The following SAMD8 variants were observed in gnomAD, a reference collection of about 807,000 sequenced individuals.
SAMD8 encodes the protein sphingomyelin synthase-related protein 1.
Under a neutral mutation model 42.0 loss-of-function variants are expected in SAMD8, and 20 were observed. That is an observed-to-expected ratio of 0.48 (90% CI 0.34 to 0.69). SAMD8 has a LOEUF of 0.69. Ranked by LOEUF, SAMD8 falls within the 30% of genes least tolerant of loss-of-function variation. The pLI is 0.01. For synonymous variants in SAMD8, 162 were observed against 173.0 expected, an observed-to-expected ratio of 0.94 and a Z score of 0.50; for missense variants, 328 against 511.6, an observed-to-expected ratio of 0.64 and a Z score of 3.46.
chr10:75,115,399 G>T (rs1848853283), intron 1 of SAMD8, among the ~76,000 whole-genome samples: 1 of 152,162 alleles, frequency 6.6e-6, no homozygotes, highest in Non-Finnish European at 1.5e-5. Flanking sequence ...AAATAGGAGA[G>T]CATGGGCCAG....
At position 75,176,280 on chromosome 10, in the gene SAMD8, G is replaced by A. The variant is rs1238773119; in HGVS notation, c.943+64G>A. On this transcript the variant is annotated intron_variant, in intron 5 of 5. Transcript: ENST00000542569. The surrounding 1 kb of genome is among the most constrained non-coding windows in gnomAD (Gnocchi z 4.3). ...CTAGCTGCAGTGAAGGCTGTGGGAA[G>A]GGTGTCAGATCCTGTGAAGAATGGC... 6.2e-6 allele frequency: 10 copies of A among 1,612,922 alleles called. No homozygotes were observed. The highest frequency in any genetic ancestry group is 8.5e-6 in the Non-Finnish European group (10 of 1,179,274).
At chr10:75,162,667 A>C (rs1840585896) in intron 2 of SAMD8, among the ~76,000 whole-genome samples, 1 of 151,892 alleles carries the variant, frequency 6.6e-6, no homozygotes, top group African/African-American at 2.4e-5. Context: ...AAAAAAAAAA[A>C]AAACTGAATT....
At chr10:75,162,129 C>T (rs1840571340) in intron 2 of SAMD8, among the ~76,000 whole-genome samples, 1 of 152,208 alleles carries the variant, frequency 6.6e-6, no homozygotes, top group Non-Finnish European at 1.5e-5. Flanking sequence ...GAGGCCAAGG[C>T]AGGTGGATCA....
chr10:75,102,513 T>G (rs1303021687), intron 1 of SAMD8, among the ~76,000 whole-genome samples: 1 of 152,184 alleles, frequency 6.6e-6, no homozygotes, highest in African/African-American at 2.4e-5. Context: ...TAAACCATTT[T>G]AAAAGGTCCC....
intron 1 of SAMD8, among the ~76,000 whole-genome samples, chr10:75,134,043 A>G (rs1222344306): frequency 6.6e-6 from 1 of 152,136 alleles, no homozygotes; most frequent in Non-Finnish European, 1.5e-5. Flanking sequence ...GTGTGCATGC[A>G]TCTTTATAAT....
At chr10:75,148,588 T>C (rs1840204136) in intron 1 of SAMD8, among the ~76,000 whole-genome samples, 1 of 152,086 alleles carries the variant, frequency 6.6e-6, no homozygotes, top group Admixed American at 6.6e-5. Flanking sequence ...CTCCTGACCT[T>C]GTGATCCACC....
chr10:75,136,316 G>GAAAT (rs897040109), intron 1 of SAMD8, among the ~76,000 whole-genome samples: 4 of 152,018 alleles, frequency 2.6e-5, no homozygotes, highest in Non-Finnish European at 5.9e-5. Flanking sequence ...ATAGCTTTTT[G>GAAAT]AAATAAAACA....
chr10:75,171,165 T>C (rs1171393658), intron 4 of SAMD8, among the ~76,000 whole-genome samples: 67 of 118,536 alleles, frequency 5.7e-4, no homozygotes, highest in African/African-American at 2.1e-3. Context: ...TTTTTCTTTT[T>C]TTTTTTTTTT....
At chr10:75,132,076 A>G (rs562390523) in intron 1 of SAMD8, among the ~76,000 whole-genome samples, 3 of 152,212 alleles carry the variant, frequency 2.0e-5, no homozygotes, top group Non-Finnish European at 4.4e-5. Flanking sequence ...CAAAGGAGGC[A>G]TCAAAGAGAA....
intron 2 of SAMD8, among the ~76,000 whole-genome samples, chr10:75,163,546 A>G (rs1840607529): frequency 6.6e-6 from 1 of 151,666 alleles, no homozygotes; most frequent in Admixed American, 6.6e-5. Context: ...CCATCCTCCC[A>G]CCTCAGCCTT....
chr10:75,101,236 A>G (rs1056695527), intron 1 of SAMD8, among the ~76,000 whole-genome samples: 6 of 152,176 alleles, frequency 3.9e-5, no homozygotes, highest in Non-Finnish European at 8.8e-5. Context: ...TGTCTTCACC[A>G]AGCCAGTTTC....
chr10:75,174,865 AAT>A (rs1366549742), intron 4 of SAMD8, among the ~76,000 whole-genome samples: 3 of 152,170 alleles, frequency 2.0e-5, no homozygotes, highest in African/African-American at 7.2e-5. Flanking sequence ...GATAACTGGA[AAT>A]TCAAAGTGGC....
chr10:75,166,520 A>G (rs1840684570), intron 3 of SAMD8, among the ~76,000 whole-genome samples: 1 of 152,154 alleles, frequency 6.6e-6, no homozygotes, highest in Non-Finnish European at 1.5e-5. Flanking sequence ...GGTAAACCAC[A>G]GTGATGAGCT....
intron 1 of SAMD8, among the ~76,000 whole-genome samples, chr10:75,102,496 G>A (rs1351556511): frequency 6.6e-6 from 1 of 152,178 alleles, no homozygotes; most frequent in African/African-American, 2.4e-5. Context: ...GGAGAAGGAA[G>A]ATCAAATAAA....
intron 1 of SAMD8, among the ~76,000 whole-genome samples, chr10:75,146,598 T>TC (rs920471638): frequency 6.6e-6 from 1 of 152,142 alleles, no homozygotes; most frequent in African/African-American, 2.4e-5. Context: ...AACTTTTTTT[T>TC]CCCCATATAT....
At chr10:75,113,843 C>T (rs1300179147) in intron 1 of SAMD8, among the ~76,000 whole-genome samples, 1 of 152,064 alleles carries the variant, frequency 6.6e-6, no homozygotes, top group Non-Finnish European at 1.5e-5. Flanking sequence ...TATCTTCATA[C>T]TTAGTTGTGA....
At chr10:75,108,560 G>A (rs1480979456), upstream of SAMD8, among the ~76,000 whole-genome samples, 6 of 152,062 alleles carry the variant, frequency 3.9e-5, no homozygotes, top group African/African-American at 1.4e-4. Flanking sequence ...TCCTCTACTG[G>A]CTACCACCTC....
intron 1 of SAMD8, among the ~76,000 whole-genome samples, chr10:75,123,756 T>C (rs1849060406): frequency 6.6e-6 from 1 of 151,992 alleles, no homozygotes; most frequent in Non-Finnish European, 1.5e-5. Flanking sequence ...AGTGGCATGA[T>C]CTCGGCTCAC....
chr10:75,128,874 C>T (rs1244934104), intron 1 of SAMD8, among the ~76,000 whole-genome samples: 1 of 152,086 alleles, frequency 6.6e-6, no homozygotes, highest in African/African-American at 2.4e-5. Context: ...ATTATTAATA[C>T]ATGCATATAA....
Sources: allele counts gnomAD v4.1 joint callset (sites outside exome capture counted in the v4.1 genomes callset), GRCh38; gene constraint gnomAD v4.1.1; non-coding constraint Gnocchi (gnomAD v3.1); transcripts MANE v1.5; gene names NCBI Gene and HGNC (gene_info 2026-07-23, HGNC 2026-07-21).